Variants in CSMD3 observed in about 807,000 individuals in gnomAD.
CSMD3 encodes CUB and sushi domain-containing protein 3.
CSMD3 carries 177 observed loss-of-function variants against 435.2 expected under a neutral mutation model. The ratio of observed to expected loss-of-function variants is 0.41; its 90% CI spans 0.36 to 0.46. The LOEUF (loss-of-function observed/expected upper bound fraction) is 0.46, where lower values mean the gene tolerates loss of function less well. Ranked by LOEUF, CSMD3 falls within the 20% of genes least tolerant of loss-of-function variation. CSMD3 has a pLI of 0.34. For synonymous variants in CSMD3, 1,656 were observed against 1,520.5 expected, an observed-to-expected ratio of 1.09 and a Z score of -2.07; for missense variants, 4,265 against 4,504.6, an observed-to-expected ratio of 0.95 and a Z score of 1.52.
chr8:112,993,284 T>C (rs2085522918), intron 6 of CSMD3, among the ~76,000 whole-genome samples: 1 of 151,800 alleles, frequency 6.6e-6, no homozygotes. Flanking sequence ...GGCACAAATA[T>C]GACTGTGAAT....
intron 32 of CSMD3, among the ~76,000 whole-genome samples, chr8:112,414,151 G>A (rs936399937): frequency 5.3e-5 from 8 of 152,030 alleles, no homozygotes; most frequent in East Asian, 1.9e-4. Flanking sequence ...TCTCTACTGC[G>A]AAACCCATCA....
At chr8:112,823,747 G>T (rs534598093) in intron 12 of CSMD3, among the ~76,000 whole-genome samples, 13 of 151,972 alleles carry the variant, frequency 8.6e-5, no homozygotes, top group Non-Finnish European at 1.6e-4. Flanking sequence ...CTAATTATGT[G>T]GTCAATTTTA....
At chr8:112,747,791 G>A (rs1460182031) in intron 13 of CSMD3, among the ~76,000 whole-genome samples, 1 of 151,834 alleles carries the variant, frequency 6.6e-6, no homozygotes, top group Admixed American at 6.6e-5. Flanking sequence ...GTGAAACCCC[G>A]TCTCTACTAA....
intron 4 of CSMD3, among the ~76,000 whole-genome samples, chr8:113,147,879 TTA>T (rs2091713962): frequency 6.6e-6 from 1 of 151,752 alleles, no homozygotes; most frequent in Non-Finnish European, 1.5e-5. Context: ...CAGCACATTA[TTA>T]CCTCTCCCTC....
chr8:112,656,713 A>G (rs1207516703), intron 17 of CSMD3, among the ~76,000 whole-genome samples: 2 of 152,154 alleles, frequency 1.3e-5, no homozygotes, highest in East Asian at 1.9e-4. Flanking sequence ...TCAGATAATT[A>G]GATTATCATC....
chr8:112,440,690 T>G (rs1327078015), intron 32 of CSMD3, among the ~76,000 whole-genome samples: 1 of 152,162 alleles, frequency 6.6e-6, no homozygotes, highest in Non-Finnish European at 1.5e-5. Flanking sequence ...AATTCTTGAT[T>G]TTTGTGTACC....
At chr8:113,348,694 CAG>C (rs2094169042) in intron 1 of CSMD3, among the ~76,000 whole-genome samples, 1 of 151,978 alleles carries the variant, frequency 6.6e-6, no homozygotes, top group Admixed American at 6.6e-5. Context: ...GGTAAATGAA[CAG>C]AAGGAATGCT....
intron 5 of CSMD3, among the ~76,000 whole-genome samples, chr8:113,022,796 A>C (rs1216861535): frequency 6.6e-6 from 1 of 151,884 alleles, no homozygotes; most frequent in Non-Finnish European, 1.5e-5. Context: ...CTAAAAAATT[A>C]TTAATGACAT....
chr8:112,228,956 G>T (rs1812830964), intron 69 of CSMD3, 65 bp from the exon 70 acceptor site: 1 of 888,506 alleles, frequency 1.1e-6, no homozygotes, highest in Non-Finnish European at 1.8e-6. Context: ...CTACTCCCAT[G>T]AATCAATTAA....
intron 12 of CSMD3, among the ~76,000 whole-genome samples, chr8:112,813,921 C>T (rs2079298602): frequency 6.6e-6 from 1 of 152,210 alleles, no homozygotes; most frequent in African/African-American, 2.4e-5. Flanking sequence ...GGCTCCACCC[C>T]CTGCAAATGG....
intron 4 of CSMD3, among the ~76,000 whole-genome samples, chr8:113,127,712 T>TA (rs2091174471): frequency 2.0e-5 from 3 of 151,974 alleles, no homozygotes; most frequent in Non-Finnish European, 4.4e-5. Flanking sequence ...AGCAGAAAAA[T>TA]AAAAATTCTA....
chr8:113,038,945 C>T (rs2087478850), intron 5 of CSMD3, among the ~76,000 whole-genome samples: 1 of 152,114 alleles, frequency 6.6e-6, no homozygotes, highest in Non-Finnish European at 1.5e-5. Flanking sequence ...ATTAACATGA[C>T]AAATGGGGAA....
At position 112,306,101 on chromosome 8, in the gene CSMD3, A is replaced by T. The variant is rs1392987240; in HGVS notation, c.7977T>A (p.Asn2659Lys). Reference protein sequence around the residue: ...LVGTRVTYFCNDGYRLSSKEL... With the variant: ...LVGTRVTYFCKDGYRLSSKEL... The stretch of plus-strand genomic sequence containing the variant: ...CTTTGGATGACAATCGATATCCATC[A>T]TTACAAAAATAGGTAACTCGCGTTC... Residue 2659 changes from asparagine to lysine, a missense_variant, in exon 51 of 71, where the codon AAT becomes AAA. Around this residue, in one of 3 missense-constraint regions of CSMD3, gnomAD observed 3,255 missense variants for 3,380.2 expected, o/e 0.96. Coordinates refer to ENST00000297405, the MANE Select transcript of CSMD3 (RefSeq NM_198123.2). 2.5e-6 allele frequency: 4 copies of T among 1,613,158 alleles called. No individual in the cohort carries two copies. The highest frequency in any genetic ancestry group is 2.7e-5 in the African/African-American group (2 of 74,900).
chr8:113,308,382 C>T (rs955662722), intron 2 of CSMD3, among the ~76,000 whole-genome samples: 2 of 147,278 alleles, frequency 1.4e-5, no homozygotes, highest in Non-Finnish European at 3.0e-5. Flanking sequence ...CATTCTCCTG[C>T]CTCAGCCTCC....
intron 31 of CSMD3, among the ~76,000 whole-genome samples, chr8:112,479,306 C>T (rs1360608930): frequency 3.3e-5 from 5 of 152,088 alleles, no homozygotes; most frequent in Admixed American, 2.6e-4. Flanking sequence ...AGAGTGTAAA[C>T]GTTTGAAAAA....
chr8:113,375,536 C>CACACACACAT (rs1554623682), intron 1 of CSMD3, among the ~76,000 whole-genome samples: 4,185 of 150,322 alleles, frequency 0.028, 83 homozygotes, highest in African/African-American at 0.043. Context: ...CACACACACA[C>CACACACACAT]ACACACACAC....
intron 13 of CSMD3, among the ~76,000 whole-genome samples, chr8:112,708,126 T>C (rs1300994179): frequency 6.6e-6 from 1 of 152,070 alleles, no homozygotes; most frequent in African/African-American, 2.4e-5. Flanking sequence ...ATGTTGAAAC[T>C]AGGTGAGTGT....
intron 1 of CSMD3, among the ~76,000 whole-genome samples, chr8:113,397,843 A>T (rs2094491002): frequency 6.7e-6 from 1 of 150,366 alleles, no homozygotes; most frequent in African/African-American, 2.5e-5. Flanking sequence ...TAAATAAATA[A>T]ATAAATAAAT....
chr8:112,339,830 G>T (rs569575045), intron 42 of CSMD3, among the ~76,000 whole-genome samples: 65 of 152,226 alleles, frequency 4.3e-4, no homozygotes, highest in African/African-American at 1.5e-3. Context: ...CACTAGGTTA[G>T]TTACATAAAT....
Sources: gnomAD v4.1 joint callset for allele counts (sites outside exome capture counted in the v4.1 genomes callset) on GRCh38, gnomAD v4.1.1 for gene constraint, gnomAD v4.1.1 regional missense constraint, MANE v1.5 for transcripts, NCBI Gene and HGNC (gene_info 2026-07-23, HGNC 2026-07-21) for gene names.